Variants in MGAT4C observed in about 807,000 individuals in gnomAD.
The protein encoded by MGAT4C is MGAT4 family member C.
A neutral mutation model predicts 40.1 loss-of-function variants in MGAT4C; 19 were observed. The observed-to-expected ratio is 0.47, with a 90% CI of 0.33 to 0.70. The LOEUF is 0.70. Ranked by LOEUF, MGAT4C falls within the 30% of genes least tolerant of loss-of-function variation. MGAT4C has a pLI of 0.02. For synonymous variants in MGAT4C, 181 were observed against 187.1 expected (o/e 0.97, Z 0.27); for missense variants, 491 against 563.2 (o/e 0.87, Z 1.30).
intron 2 of MGAT4C, among the ~76,000 whole-genome samples, chr12:86,455,883 A>C (rs1957502326): frequency 6.6e-6 from 1 of 152,120 alleles, no homozygotes; most frequent in African/African-American, 2.4e-5. Flanking sequence ...CAAAAAAGAC[A>C]ATTTTCAAGA....
At chr12:86,709,844 A>G (rs886312963) in intron 2 of MGAT4C, among the ~76,000 whole-genome samples, 10 of 152,160 alleles carry the variant, frequency 6.6e-5, no homozygotes, top group Admixed American at 6.5e-5. Context: ...CAGGGAAAAA[A>G]TTTACAAATT....
At position 86,477,828 on chromosome 12, in the gene MGAT4C, G is replaced by C. The variant is rs564714424; in HGVS notation, c.-228-42563C>G. Among the ~76,000 whole-genome samples, 90 of 152,154 alleles carry C rather than the reference G, an allele frequency of 5.9e-4. 1 individual carries two copies. The South Asian group carries it at 0.011, about 19-fold the overall frequency. ...TTATCATTGTTCAATTCCCACCTAT[G>C]AGTCAGAACATGCGGTGTTTGGTTT... On this transcript the variant is annotated intron_variant, in intron 2 of 7. Transcript: ENST00000548651.
At chr12:86,069,258 T>G (rs187434536) in intron 1 of MGAT4C, among the ~76,000 whole-genome samples, 3 of 152,294 alleles carry the variant, frequency 2.0e-5, no homozygotes, top group Admixed American at 2.0e-4. Context: ...AAAACTCTTC[T>G]GTTTATCTTA....
At chr12:86,583,743 G>T (rs992201585) in intron 2 of MGAT4C, among the ~76,000 whole-genome samples, 2 of 151,028 alleles carry the variant, frequency 1.3e-5, no homozygotes, top group Non-Finnish European at 3.0e-5. Flanking sequence ...AGTTTAAAAT[G>T]TCAAAAATGA....
intron 2 of MGAT4C, among the ~76,000 whole-genome samples, chr12:86,026,767 A>C (rs1468877795): frequency 6.6e-6 from 1 of 151,890 alleles, no homozygotes; most frequent in Non-Finnish European, 1.5e-5. Flanking sequence ...CCCCCAGTAA[A>C]TTTAAGCAGA....
chr12:86,495,942 C>G (rs1056233377), intron 2 of MGAT4C, among the ~76,000 whole-genome samples: 3 of 151,976 alleles, frequency 2.0e-5, no homozygotes, highest in Admixed American at 6.6e-5. Flanking sequence ...TTCCCTAATT[C>G]CTGTTTTCCT....
chr12:86,069,891 C>A (rs868679404), intron 1 of MGAT4C, among the ~76,000 whole-genome samples: 1 of 151,966 alleles, frequency 6.6e-6, no homozygotes, highest in African/African-American at 2.4e-5. Context: ...AAATGGAAGT[C>A]AGATAATCAA....
At chr12:86,261,749 T>A (rs776710237) in intron 4 of MGAT4C, among the ~76,000 whole-genome samples, 18 of 152,178 alleles carry the variant, frequency 1.2e-4, no homozygotes, top group Non-Finnish European at 2.1e-4. Flanking sequence ...AAGTGTGTTG[T>A]ACCTTGGGGT....
intron 3 of MGAT4C, among the ~76,000 whole-genome samples, chr12:86,351,425 G>C (rs1329809104): frequency 6.6e-6 from 1 of 151,810 alleles, no homozygotes; most frequent in African/African-American, 2.4e-5. Flanking sequence ...GCCTAAAGTA[G>C]AACTAAATAA....
intron 1 of MGAT4C, among the ~76,000 whole-genome samples, chr12:86,055,816 A>G (rs1009170843): frequency 6.6e-6 from 1 of 151,974 alleles, no homozygotes; most frequent in African/African-American, 2.4e-5. Context: ...ATCTTTACTT[A>G]TGATTCAAGT....
intron 2 of MGAT4C, among the ~76,000 whole-genome samples, chr12:86,444,332 T>C (rs889849754): frequency 6.6e-6 from 1 of 152,188 alleles, no homozygotes; most frequent in Non-Finnish European, 1.5e-5. Context: ...CTGAATAATA[T>C]GTTTGGAGTA....
chr12:86,099,692 G>C (rs1874609888), intron 1 of MGAT4C, among the ~76,000 whole-genome samples: 1 of 151,228 alleles, frequency 6.6e-6, no homozygotes. Flanking sequence ...TTTTTATAGT[G>C]TGTATATTTG....
chr12:86,709,951 T>C (rs570805162), intron 2 of MGAT4C, among the ~76,000 whole-genome samples: 2 of 152,314 alleles, frequency 1.3e-5, no homozygotes, highest in South Asian at 4.1e-4. Context: ...AGTTACTTTT[T>C]TCTGTTCTCA....
chr12:86,261,916 C>A (rs1431940293), intron 4 of MGAT4C, among the ~76,000 whole-genome samples: 1 of 152,096 alleles, frequency 6.6e-6, no homozygotes, highest in African/African-American at 2.4e-5. Context: ...AGGAGAAAGG[C>A]AACCCCTTTA....
chr12:86,641,530 T>TA (rs998407326), intron 2 of MGAT4C, among the ~76,000 whole-genome samples: 29 of 150,988 alleles, frequency 1.9e-4, no homozygotes, highest in African/African-American at 6.1e-4. Context: ...AATAATAAAA[T>TA]AAAAAAATAA....
intron 2 of MGAT4C, among the ~76,000 whole-genome samples, chr12:86,554,362 C>T (rs1379680725): frequency 6.6e-6 from 1 of 152,188 alleles, no homozygotes; most frequent in African/African-American, 2.4e-5. Context: ...AAACCATCTT[C>T]AAACCCTGAT....
chr12:86,115,203 A>T (rs180752872), intron 1 of MGAT4C, among the ~76,000 whole-genome samples: 10 of 152,062 alleles, frequency 6.6e-5, no homozygotes, highest in Non-Finnish European at 1.0e-4. Flanking sequence ...GAATATATTT[A>T]AAAAAATAAA....
At chr12:86,651,390 T>G (rs936011889) in intron 2 of MGAT4C, among the ~76,000 whole-genome samples, 2 of 151,838 alleles carry the variant, frequency 1.3e-5, no homozygotes, top group African/African-American at 4.8e-5. Context: ...AATTTTAAAA[T>G]CCAACAATTT....
intron 2 of MGAT4C, among the ~76,000 whole-genome samples, chr12:86,037,995 G>A (rs1891411557): frequency 6.7e-6 from 1 of 149,560 alleles, no homozygotes; most frequent in African/African-American, 2.4e-5. Flanking sequence ...AAAGGAATGG[G>A]AAATGACAGT....
Sources: allele counts gnomAD v4.1 joint callset (sites outside exome capture counted in the v4.1 genomes callset), GRCh38; gene constraint gnomAD v4.1.1; transcripts MANE v1.5; gene names NCBI Gene and HGNC (gene_info 2026-07-23, HGNC 2026-07-21).